The following OSBPL7 variants were observed in gnomAD, a reference collection of about 807,000 sequenced individuals.
The protein encoded by OSBPL7 is oxysterol binding protein like 7, also known as oxysterol-binding protein-related protein 7.
A neutral mutation model predicts 115.8 loss-of-function variants in OSBPL7; 66 were observed. The ratio of observed to expected loss-of-function variants is 0.57; its 90% CI spans 0.47 to 0.70. OSBPL7 has a LOEUF of 0.70. OSBPL7 is among the 30% of genes least tolerant of loss of function. The pLI, the probability that OSBPL7 is intolerant of heterozygous loss-of-function variation, is 0.00. For synonymous variants in OSBPL7, 441 were observed against 439.2 expected, an observed-to-expected ratio of 1.00 and a Z score of -0.05; for missense variants, 902 against 1,125.5, an observed-to-expected ratio of 0.80 and a Z score of 2.84.
In OSBPL7 at chr17:47,820,351, G is replaced by C. The variant is rs1351607121; in HGVS notation, c.-73C>G. On this transcript the variant is annotated 5_prime_UTR_variant, in exon 2 of 23. Coordinates refer to ENST00000007414, the MANE Select transcript of OSBPL7 (RefSeq NM_145798.3). Reference sequence around the variant, plus strand: ...GGGTGGAAGGGGAAGGATGTCACCTGCTCCTGACGGGGTCCTTGAAGCAAG... The same window carrying C: ...GGGTGGAAGGGGAAGGATGTCACCTCCTCCTGACGGGGTCCTTGAAGCAAG... The C allele has an allele frequency of 4.9e-6, 7 of 1,436,216 alleles. No individual in the cohort carries two copies. In the East Asian group the frequency reaches 1.4e-4, roughly 29 times the overall value. The allele number at this position is 1,436,216 out of a possible 1,614,324, so 89.0% of individuals were successfully genotyped here.
At position 47,808,730 on chromosome 17, in the gene OSBPL7, C is replaced by T; in HGVS notation, c.2298-70G>A. 6.2e-7 allele frequency: 1 copy of T among 1,606,538 alleles called. No homozygotes were observed. Among genetic ancestry groups the T allele is most frequent in the Admixed American group, 1.7e-5 (1 of 59,138 alleles). On this transcript the variant is annotated intron_variant, in intron 21 of 22. Coordinates refer to ENST00000007414, the MANE Select transcript of OSBPL7 (RefSeq NM_145798.3). The surrounding 1 kb of genome is among the most constrained non-coding windows in gnomAD (Gnocchi z 6.1). ...GCCCCCAAACCCAAGGCCTCTGTCT[C>T]TGCCCAACTCTGTCCTCTAGACAAG...
Position 47,808,618 on chromosome 17 carries a change from C to T in OSBPL7, c.2340G>A (p.Lys780=). 6.2e-7 allele frequency: 1 copy of T among 1,614,236 alleles called. No homozygotes were observed. Among genetic ancestry groups the T allele is most frequent in the Non-Finnish European group, 8.5e-7 (1 of 1,180,042 alleles). ...EGNIQAAEAQ[K]RRIEQLQRDR... ...CTCGCTGCAGCTGCTCGATCCTTCT[C>T]TTCTGGGCCTCAGCGGCCTGTATGT... is the stretch of plus-strand genomic sequence containing the variant. The change falls in exon 22 of 23, where the codon AAG becomes AAA. Residue 780 remains lysine, a synonymous_variant. Transcript: ENST00000007414. This position sits in a 1 kb window ranked among gnomAD's most constrained non-coding sequence, Gnocchi z 6.1.
Position 47,813,291 on chromosome 17 carries a change from C to T in OSBPL7, c.1712G>A (p.Arg571Gln). Residue 571 changes from arginine (R) to glutamine (Q), a missense_variant, in exon 16 of 23, where the codon CGA (arginine) becomes CAA (glutamine). Physicochemically the swap from Arg to Gln is conservative, Grantham distance 43. Around this residue, in one of 3 missense-constraint regions of OSBPL7, gnomAD observed 667 missense variants for 788.7 expected, o/e 0.85. Transcript: ENST00000007414. ...GETYECERPDRGFRFISEQVS... is the reference protein window; with the variant it reads ...GETYECERPDQGFRFISEQVS... Reference sequence around the variant, plus strand: ...CTGCTCACTGATGAAGCGGAAGCCTCGGTCAGGCCGCTCACACTCGTAGGT... The same window carrying T: ...CTGCTCACTGATGAAGCGGAAGCCTTGGTCAGGCCGCTCACACTCGTAGGT... 1.2e-6 allele frequency: 2 copies of T among 1,614,026 alleles called. No homozygotes were observed. Among genetic ancestry groups the T allele is most frequent in the South Asian group, 1.1e-5 (1 of 91,076 alleles).
At chr17:47,813,938 G>A (rs2033132270) in intron 14 of OSBPL7, 104 bp from the exon 15 acceptor site, 1 of 1,411,310 alleles carries the variant, frequency 7.1e-7, no homozygotes, top group Non-Finnish European at 9.4e-7. Context: ...AAGCCCCTGG[G>A]ACATTCGCCC....
Position 47,808,291 on chromosome 17 carries a change from C to A in OSBPL7, c.2529G>T (p.Ter843TyrextTer25). Residue 843 changes from the stop codon to tyrosine (Y), a stop_lost, in exon 23 of 23, where the codon TAG becomes TAT. Coordinates refer to ENST00000007414, the MANE Select transcript of OSBPL7 (RefSeq NM_145798.3). This position sits in a 1 kb window ranked among gnomAD's most constrained non-coding sequence, Gnocchi z 6.1. ...GAGCCTCCTGCCCCCGGGGCCAGGG[C>A]TACCAGAGCACGGCCCCATCCATGT... ...YGNMDGAVLW[*>Y] The A allele has an allele frequency of 2.5e-6, 4 of 1,609,070 alleles. No individual in the cohort carries two copies. The highest frequency in any genetic ancestry group is 3.4e-6 in the Non-Finnish European group (4 of 1,176,114).
In OSBPL7 at chr17:47,808,275, G is replaced by A; in HGVS notation, c.*16C>T. The A allele has an allele frequency of 6.3e-7, 1 of 1,587,500 alleles. No homozygotes were observed. Among genetic ancestry groups the A allele is most frequent in the East Asian group, 2.2e-5 (1 of 44,746 alleles). ...GAGGAGTGAGGAACCAGAGCCTCCT[G>A]CCCCCGGGGCCAGGGCTACCAGAGC... On this transcript the variant is annotated 3_prime_UTR_variant, in exon 23 of 23. Coordinates refer to ENST00000007414, the MANE Select transcript of OSBPL7 (RefSeq NM_145798.3). The surrounding 1 kb of genome is among the most constrained non-coding windows in gnomAD (Gnocchi z 6.1).
intron 7 of OSBPL7, among the ~76,000 whole-genome samples, 155 bp from the exon 8 acceptor site, chr17:47,817,514 C>T (rs551062352): frequency 2.6e-4 from 39 of 152,060 alleles, no homozygotes; most frequent in Non-Finnish European, 5.1e-4. Context: ...CTCAGCCTCC[C>T]GAGTAGCTAG....
rs759597550 is a variant in OSBPL7, at chr17:47,813,716, G to T, written c.1470C>A (p.Asp490Glu). The change falls in exon 15 of 23, where the codon GAC becomes GAA. Residue 490 changes from aspartate (D) to glutamate (E), a missense_variant. Physicochemically the swap from Asp to Glu is conservative, Grantham distance 45. This residue lies in a region of OSBPL7 where 667 missense variants were observed against 788.7 expected (regional missense o/e 0.85). Transcript: ENST00000007414. ...WNILRNNIGK[D>E]LSKVSMPVQL... The stretch of plus-strand genomic sequence containing the variant: ...GCACAGGCATTGACACCTTGGACAG[G>T]TCTTTGCCGATGTTGTTGCGCAGAA... The T allele has an allele frequency of 1.2e-6, 2 of 1,613,494 alleles. No homozygotes were observed. Among genetic ancestry groups the T allele is most frequent in the Non-Finnish European group, 1.7e-6 (2 of 1,180,020 alleles).
intron 18 of OSBPL7, among the ~76,000 whole-genome samples, chr17:47,810,335 T>C (rs1035564955): frequency 2.6e-5 from 4 of 152,162 alleles, no homozygotes; most frequent in Admixed American, 2.6e-4. Context: ...TGAGTCATGG[T>C]CAAAAAAGTG....
At position 47,816,455 on chromosome 17, in the gene OSBPL7, G is replaced by A; in HGVS notation, c.956C>T (p.Ala319Val). 1 of 1,546,496 alleles carries A rather than the reference G, an allele frequency of 6.5e-7. No individual in the cohort carries two copies. Among genetic ancestry groups the A allele is most frequent in the South Asian group, 1.2e-5 (1 of 82,394 alleles). The change falls in exon 11 of 23, where the codon GCC (alanine) becomes GTC (valine). Residue 319 changes from alanine (A) to valine (V), a missense_variant. Ala to Val is a moderately conservative substitution (Grantham distance 64, BLOSUM62 0). Around this residue, in one of 3 missense-constraint regions of OSBPL7, gnomAD observed 667 missense variants for 788.7 expected, o/e 0.85. Coordinates refer to ENST00000007414, the MANE Select transcript of OSBPL7 (RefSeq NM_145798.3). The surrounding 1 kb of genome is among the most constrained non-coding windows in gnomAD (Gnocchi z 5.8). ...KVHSSLSSVL[A>V]ALTMERDQLR... Reference sequence around the variant, plus strand: ...TTGGTCCCGTTCCATGGTGAGGGCGGCCAGGACGCTGCTGAGGGAGCTGTG... The same window carrying A: ...TTGGTCCCGTTCCATGGTGAGGGCGACCAGGACGCTGCTGAGGGAGCTGTG...
At chr17:47,810,727 T>C (rs1293139972) in intron 17 of OSBPL7, 45 bp downstream of exon 17, 3 of 1,612,378 alleles carry the variant, frequency 1.9e-6, no homozygotes, top group African/African-American at 1.3e-5. Context: ...CCAGAGGGTG[T>C]TCCCTTTGCC....
Position 47,818,295 on chromosome 17 carries a change from C to G in OSBPL7, c.572G>C (p.Ser191Thr). 6.2e-7 allele frequency: 1 copy of G among 1,614,092 alleles called. No homozygotes were observed. Among genetic ancestry groups the G allele is most frequent in the Non-Finnish European group, 8.5e-7 (1 of 1,179,976 alleles). The change falls in exon 7 of 23, where the codon AGT becomes ACT. Residue 191 changes from serine (S) to threonine (T), a missense_variant. Physicochemically the swap from Ser to Thr is moderately conservative, Grantham distance 58 (BLOSUM62 1). Transcript: ENST00000007414. ...ATGAGAGCAGCGGTCCAGCCCATCA[C>G]TGTCCCTCAGCCAGGAAGACACTTT... ...REKVSSWLRD[S>T]DGLDRCSHEL...
Position 47,815,198 on chromosome 17 carries a change from C to T in OSBPL7, c.1257+17G>A. 1 of 1,604,680 alleles carries T rather than the reference C, an allele frequency of 6.2e-7. No individual in the cohort carries two copies. Among genetic ancestry groups the T allele is most frequent in the Non-Finnish European group, 8.5e-7 (1 of 1,173,074 alleles). On this transcript the variant is annotated intron_variant, in intron 13 of 22. Coordinates refer to ENST00000007414, the MANE Select transcript of OSBPL7 (RefSeq NM_145798.3). ...CCCCCCTACCCCGCCTCACTGCCAGCTTCTCTCCTCCCTCACCTCATTCTC... is the reference window on the plus strand; with the variant it reads ...CCCCCCTACCCCGCCTCACTGCCAGTTTCTCTCCTCCCTCACCTCATTCTC...
In OSBPL7 at chr17:47,813,670, T is replaced by TGTTGAGCGGCTC. The variant is rs780981248; in HGVS notation, c.1504_1515dup (p.Glu502_Asn505dup). ...AGCTCCTCGCAGAGCCGCTGCAGAG[T>TGTTGAGCGGCTC]GTTGAGCGGCTCGTTGAGCTGCACA... is the stretch of plus-strand genomic sequence containing the variant. On this transcript the variant is annotated inframe_insertion, in exon 15 of 23. Coordinates refer to ENST00000007414, the MANE Select transcript of OSBPL7 (RefSeq NM_145798.3). The TGTTGAGCGGCTC allele has an allele frequency of 8.1e-6, 13 of 1,613,168 alleles. No homozygotes were observed. The highest frequency in any genetic ancestry group is 3.3e-5 in the Admixed American group (2 of 59,998).
Position 47,814,592 on chromosome 17 carries a change from C to T in OSBPL7, c.1280G>A (p.Cys427Tyr), listed in dbSNP as rs1448883970. 3 of 1,611,790 alleles carry T rather than the reference C, an allele frequency of 1.9e-6. No individual in the cohort carries two copies. The highest frequency in any genetic ancestry group is 1.1e-5 in the South Asian group (1 of 91,060). Residue 427 changes from cysteine (C) to tyrosine (Y), a missense_variant, in exon 14 of 23, where the codon TGT becomes TAT. Physicochemically the swap from Cys to Tyr is radical, Grantham distance 194. Coordinates refer to ENST00000007414, the MANE Select transcript of OSBPL7 (RefSeq NM_145798.3). The part of the protein sequence containing the change: ...ENEGSEEEES[C>Y]TSEITTSLSE... The stretch of plus-strand genomic sequence containing the variant: ...CAGGCTGGTGGTGATTTCACTGGTA[C>T]AGGACTCCTCCTCCTCTGAGCCCTG...
At position 47,813,366 on chromosome 17, in the gene OSBPL7, G is replaced by A. The variant is rs1598017314; in HGVS notation, c.1637C>T (p.Ser546Phe). 2.5e-6 allele frequency: 4 copies of A among 1,614,072 alleles called. No homozygotes were observed. In the East Asian group the frequency reaches 8.9e-5, roughly 36 times the overall value. The change falls in exon 16 of 23, where the codon TCC (serine) becomes TTC (phenylalanine). Residue 546 changes from serine (S) to phenylalanine (F), a missense_variant. By Grantham distance (155) the Ser-to-Phe change is radical. Transcript: ENST00000007414. ...CTTGCAGCCGGCTCGGTGGTATGTG[G>A]AGGAGTAGGCCGAGACAGCAAAGGC... Reference protein sequence around the residue: ...IAAFAVSAYSSTYHRAGCKPF... With the variant: ...IAAFAVSAYSFTYHRAGCKPF...
rs1234497661 is a variant in OSBPL7 at position 47,809,079 on chromosome 17, G to A, written c.2167C>T (p.Pro723Ser). Reference protein sequence around the residue: ...PTPGGQCIWKPNSMPPDHERN... With the variant: ...PTPGGQCIWKSNSMPPDHERN... ...CCTCTGTGACCCCTCCACTTACTGG[G>A]TTTCCAGATGCACTGGCCACCTGGC... The change falls in exon 20 of 23, where the codon CCC becomes TCC. Residue 723 changes from proline (P) to serine (S), a missense_variant. By Grantham distance (74) the Pro-to-Ser change is moderately conservative. Transcript: ENST00000007414. 1 of 1,613,854 alleles carries A rather than the reference G, an allele frequency of 6.2e-7. No homozygotes were observed. Among genetic ancestry groups the A allele is most frequent in the Admixed American group, 1.7e-5 (1 of 60,014 alleles).
In OSBPL7 at chr17:47,808,977, G is replaced by A. The variant is rs754853632; in HGVS notation, c.2184C>T (p.Pro728=). Residue 728 remains proline, a synonymous_variant, in exon 21 of 23, where the codon CCC becomes CCT. Coordinates refer to ENST00000007414, the MANE Select transcript of OSBPL7 (RefSeq NM_145798.3). The surrounding 1 kb of genome is among the most constrained non-coding windows in gnomAD (Gnocchi z 6.1). ...TGAAGCCGAAGTTTCGCTCATGGTC[G>A]GGGGGCATTGAGTCTGGGGGAAGGC... ...QCIWKPNSMP[P]DHERNFGFTQ... 30 of 1,614,052 alleles carry A rather than the reference G, an allele frequency of 1.9e-5. No individual in the cohort carries two copies. The highest frequency in any genetic ancestry group is 3.3e-5 in the South Asian group (3 of 91,074).
chr17:47,816,972 G>A lies in OSBPL7; in HGVS notation c.703-100C>T, dbSNP rs2033242127. On this transcript the variant is annotated intron_variant, in intron 8 of 22. Transcript: ENST00000007414. The surrounding 1 kb of genome is among the most constrained non-coding windows in gnomAD (Gnocchi z 5.8). ...GGTAGACGGCCTCCTGCGCCATGGA[G>A]GAGGGCGCAGATTACCCAGCACAGA... The A allele has an allele frequency of 1.7e-6, 2 of 1,158,920 alleles. No individual in the cohort carries two copies. Among genetic ancestry groups the A allele is most frequent in the African/African-American group, 3.0e-5 (2 of 66,338 alleles). The allele number at this position is 1,158,920 out of a possible 1,614,324, so 71.8% of individuals were successfully genotyped here.
Sources: gnomAD v4.1 joint callset for allele counts (sites outside exome capture counted in the v4.1 genomes callset) on GRCh38, gnomAD v4.1.1 for gene constraint, gnomAD v4.1.1 regional missense constraint, Gnocchi (gnomAD v3.1) non-coding constraint, MANE v1.5 for transcripts, NCBI Gene and HGNC (gene_info 2026-07-23, HGNC 2026-07-21) for gene names.